UBE2E2: variants seen among roughly 807,000 people sequenced by gnomAD.
UBE2E2 encodes ubiquitin conjugating enzyme E2 E2, also known as ubiquitin-conjugating enzyme E2 E2.
UBE2E2 carries 6 observed loss-of-function variants against 24.7 expected under a neutral mutation model. That is an observed-to-expected ratio of 0.24 (90% CI 0.13 to 0.48). The LOEUF is 0.48. Ranked by LOEUF, UBE2E2 falls within the 20% of genes least tolerant of loss-of-function variation. UBE2E2 has a pLI of 0.99. For synonymous variants in UBE2E2, 104 were observed against 83.6 expected, an observed-to-expected ratio of 1.24 and a Z score of -1.33; for missense variants, 169 against 245.0, an observed-to-expected ratio of 0.69 and a Z score of 2.07.
chr3:23,491,111 A>G (rs1268057548), intron 3 of UBE2E2, among the ~76,000 whole-genome samples: 1 of 152,134 alleles, frequency 6.6e-6, no homozygotes, highest in African/African-American at 2.4e-5. Flanking sequence ...TATCAGCGCT[A>G]TTATATCCTA....
intron 3 of UBE2E2, among the ~76,000 whole-genome samples, chr3:23,405,472 T>G (rs1267378755): frequency 6.6e-6 from 1 of 152,156 alleles, no homozygotes; most frequent in Non-Finnish European, 1.5e-5. Flanking sequence ...TTTTGGTTAG[T>G]AGGGAGTATG....
In UBE2E2 at chr3:23,583,285, T is replaced by C. The variant is rs1183907786; in HGVS notation, c.509-6449T>C. Among the ~76,000 whole-genome samples, 1 of 152,224 alleles carries C rather than the reference T, an allele frequency of 6.6e-6. No homozygotes were observed. Among genetic ancestry groups the C allele is most frequent in the Non-Finnish European group, 1.5e-5 (1 of 68,046 alleles). ...GGCTCTTTATTTTGTTCCACTAGTC[T>C]ATGTGTCTGTTTTTGTACCAGTATC... On this transcript the variant is annotated intron_variant, in intron 5 of 5. Transcript: ENST00000396703. The surrounding 1 kb of genome is among the most constrained non-coding windows in gnomAD (Gnocchi z 4.1).
intron 3 of UBE2E2, among the ~76,000 whole-genome samples, chr3:23,268,215 G>T (rs36173426): frequency 6.7e-6 from 1 of 148,372 alleles, no homozygotes; most frequent in Non-Finnish European, 1.5e-5. Flanking sequence ...GGGCAATTAG[G>T]CAGGAGAAGG....
At chr3:23,449,794 A>C in intron 3 of UBE2E2, 1 of 883,552 alleles carries the variant, frequency 1.1e-6, no homozygotes. Flanking sequence ...AGTGTTTTTA[A>C]TATCTCAACG....
chr3:23,269,758 T>G (rs890960619), intron 3 of UBE2E2, among the ~76,000 whole-genome samples: 9 of 151,874 alleles, frequency 5.9e-5, no homozygotes, highest in Admixed American at 2.6e-4. Context: ...ATGGGTAGAG[T>G]GCAGGAAGGC....
intron 5 of UBE2E2, among the ~76,000 whole-genome samples, chr3:23,575,797 A>G (rs1441159953): frequency 4.6e-5 from 7 of 152,190 alleles, no homozygotes; most frequent in African/African-American, 1.7e-4. Flanking sequence ...GATTTATACA[A>G]GACTGTAATA....
chr3:23,344,691 CA>C (rs1553604060), intron 3 of UBE2E2, among the ~76,000 whole-genome samples: 1 of 149,906 alleles, frequency 6.7e-6, no homozygotes, highest in Non-Finnish European at 1.5e-5. Flanking sequence ...AACCTTGTTT[CA>C]AAAAAAATAA....
intron 3 of UBE2E2, among the ~76,000 whole-genome samples, chr3:23,353,262 A>G (rs1195628311): frequency 1.3e-5 from 2 of 152,062 alleles, no homozygotes; most frequent in African/African-American, 2.4e-5. Context: ...ATCTATGACA[A>G]ACCCACAGCC....
intron 5 of UBE2E2, among the ~76,000 whole-genome samples, chr3:23,543,220 C>G (rs1217325186): frequency 1.3e-5 from 2 of 152,108 alleles, no homozygotes; most frequent in African/African-American, 4.8e-5. Flanking sequence ...AACAATCATT[C>G]AAGAGAAAGA....
At position 23,590,775 on chromosome 3, in the gene UBE2E2, TA is replaced by T. The variant is rs1696742576; in HGVS notation, c.*947del. On this transcript the variant is annotated 3_prime_UTR_variant, in exon 6 of 6. Transcript: ENST00000396703. ...CCTGATGATTTTATGGTTGTTATAG[TA>T]AATTGCTATCATTTTACATATTGAC... The T allele has an allele frequency of 6.6e-6, 1 of 152,260 alleles. No individual in the cohort carries two copies. Among genetic ancestry groups the T allele is most frequent in the South Asian group, 2.1e-4 (1 of 4,834 alleles). The allele number at this position is 152,260 out of a possible 1,614,324, so 9.4% of individuals were successfully genotyped here. A position where few individuals can be genotyped will look rare whatever the true frequency, so the allele number is the denominator to read the frequency against.
At chr3:23,389,543 T>G (rs1696886237) in intron 3 of UBE2E2, 3 of 196,248 alleles carry the variant, frequency 1.5e-5, no homozygotes, top group Admixed American at 1.2e-4. Flanking sequence ...AAGCAACCAC[T>G]GAGTCTTTGA....
intron 3 of UBE2E2, among the ~76,000 whole-genome samples, chr3:23,496,812 A>G (rs1228954802): frequency 1.3e-5 from 2 of 152,146 alleles, no homozygotes; most frequent in Non-Finnish European, 2.9e-5. Flanking sequence ...AAATAGGTGT[A>G]CAGTTGACCC....
intron 3 of UBE2E2, among the ~76,000 whole-genome samples, chr3:23,339,141 G>A (rs1372107591): frequency 6.6e-6 from 1 of 152,120 alleles, no homozygotes; most frequent in African/African-American, 2.4e-5. Context: ...CATTACTTTT[G>A]TGGTATTCTT....
chr3:23,272,285 C>T (rs34584255), intron 3 of UBE2E2, among the ~76,000 whole-genome samples: 11,315 of 151,530 alleles, frequency 0.075, 549 homozygotes, highest in Non-Finnish European at 0.092. Flanking sequence ...CCGGGGCCGG[C>T]CGGCTTCTCT....
chr3:23,325,220 GT>G (rs201629457), intron 3 of UBE2E2, among the ~76,000 whole-genome samples: 186 of 150,874 alleles, frequency 1.2e-3, no homozygotes, highest in Non-Finnish European at 2.5e-3. Context: ...GCTATTGTGT[GT>G]TTTTTTTTCC....
chr3:23,332,686 T>G (rs1472950434), intron 3 of UBE2E2, among the ~76,000 whole-genome samples: 144 of 143,460 alleles, frequency 1.0e-3, no homozygotes, highest in South Asian at 4.2e-3. Flanking sequence ...TGTGTGTGTG[T>G]GTGTGTGTGT....
chr3:23,313,756 T>C (rs892802265), intron 3 of UBE2E2, among the ~76,000 whole-genome samples: 8 of 152,162 alleles, frequency 5.3e-5, no homozygotes, highest in Non-Finnish European at 1.0e-4. Flanking sequence ...ACATTCAGTG[T>C]TGTTACTGAT....
chr3:23,502,497 C>G (rs927317522), intron 4 of UBE2E2, among the ~76,000 whole-genome samples: 4 of 152,080 alleles, frequency 2.6e-5, no homozygotes, highest in African/African-American at 9.7e-5. Context: ...CTAAACACTG[C>G]AGAGCTCAAA....
chr3:23,588,426 C>CTT (rs112332300), intron 5 of UBE2E2, among the ~76,000 whole-genome samples: 14 of 124,008 alleles, frequency 1.1e-4, no homozygotes, highest in South Asian at 2.5e-4. Flanking sequence ...TTTTTTTTGT[C>CTT]TTTTTTTTTA....
Sources: gnomAD v4.1 joint callset for allele counts (sites outside exome capture counted in the v4.1 genomes callset) on GRCh38, gnomAD v4.1.1 for gene constraint, Gnocchi (gnomAD v3.1) non-coding constraint, MANE v1.5 for transcripts, NCBI Gene and HGNC (gene_info 2026-07-23, HGNC 2026-07-21) for gene names.